Variants in B3GALT1 observed in about 807,000 individuals in gnomAD.
B3GALT1 encodes the protein beta-1,3-galactosyltransferase 1.
In B3GALT1, 10 loss-of-function variants were observed where a neutral mutation model predicts 23.2. The observed-to-expected ratio is 0.43, with a 90% CI of 0.27 to 0.73. B3GALT1 has a LOEUF of 0.73. Ranked by LOEUF, B3GALT1 falls within the 30% of genes least tolerant of loss-of-function variation. The pLI, the probability that B3GALT1 is intolerant of heterozygous loss-of-function variation, is 0.21. For missense variants in B3GALT1, 299 were observed against 405.4 expected, an observed-to-expected ratio of 0.74 and a Z score of 2.25; for synonymous variants, 156 against 141.5, an observed-to-expected ratio of 1.10 and a Z score of -0.73.
At chr2:167,760,787 C>T (rs536444745) in intron 3 of B3GALT1, among the ~76,000 whole-genome samples, 51 of 152,140 alleles carry the variant, frequency 3.4e-4, no homozygotes, top group Admixed American at 2.6e-3. Flanking sequence ...CTAAGTGGAA[C>T]TCTTATATGT....
intron 2 of B3GALT1, among the ~76,000 whole-genome samples, chr2:167,646,278 C>A (rs1685747495): frequency 6.6e-6 from 1 of 152,132 alleles, no homozygotes. Context: ...GAAGATAAGG[C>A]CTCCTTGATT....
rs113131902 is a variant in B3GALT1, at chr2:167,350,248, C to T, written c.-511+56914C>T. Among the ~76,000 whole-genome samples the T allele has an allele frequency of 5.3e-3, 803 of 152,234 alleles. 9 individuals are homozygous for T. The highest frequency in any genetic ancestry group is 0.019 in the African/African-American group (774 of 41,546). On this transcript the variant is annotated intron_variant, in intron 1 of 4. Transcript: ENST00000392690. ...AAATTTTGTAAATCTCCTTGAAGTACAGTTTGTTCATCATTTGAAGATGAA... is the reference window on the plus strand; with the variant it reads ...AAATTTTGTAAATCTCCTTGAAGTATAGTTTGTTCATCATTTGAAGATGAA...
chr2:167,813,219 A>G (rs1341727504), intron 3 of B3GALT1, among the ~76,000 whole-genome samples: 1 of 152,174 alleles, frequency 6.6e-6, no homozygotes, highest in Non-Finnish European at 1.5e-5. Flanking sequence ...ATGTGGCCCT[A>G]GCTATATCTC....
At chr2:167,417,255 A>G (rs571113392) in intron 1 of B3GALT1, among the ~76,000 whole-genome samples, 2 of 152,242 alleles carry the variant, frequency 1.3e-5, no homozygotes, top group Admixed American at 6.5e-5. Flanking sequence ...TATAGGATTA[A>G]TCGATTAATG....
chr2:167,353,430 G>A (rs922244842), intron 1 of B3GALT1, among the ~76,000 whole-genome samples: 1 of 151,808 alleles, frequency 6.6e-6, no homozygotes, highest in Non-Finnish European at 1.5e-5. Flanking sequence ...AACCTTAGTG[G>A]TATTTTTTTT....
At chr2:167,759,565 G>GA (rs1036269396) in intron 3 of B3GALT1, among the ~76,000 whole-genome samples, 3 of 152,184 alleles carry the variant, frequency 2.0e-5, no homozygotes, top group African/African-American at 7.2e-5. Flanking sequence ...GCCATGGAAG[G>GA]AAAAAAAGAG....
At chr2:167,561,736 C>G (rs1290858912) in intron 2 of B3GALT1, among the ~76,000 whole-genome samples, 1 of 152,202 alleles carries the variant, frequency 6.6e-6, no homozygotes, top group Non-Finnish European at 1.5e-5. Context: ...GACACATACA[C>G]TCTCCCAAGA....
Position 167,869,864 on chromosome 2 carries a change from G to A in B3GALT1, c.825G>A (p.Leu275=), listed in dbSNP as rs1192017640. Residue 275 remains leucine (L), a synonymous_variant, in exon 5 of 5, where the codon CTG becomes CTA. Transcript: ENST00000392690. This position sits in a 1 kb window ranked among gnomAD's most constrained non-coding sequence, Gnocchi z 6.4. ...ATGTGGGACTGTGTCTTCGAAAGCTGGGCATACATCCTTTCCAGAACAGTG... is the reference window on the plus strand; with the variant it reads ...ATGTGGGACTGTGTCTTCGAAAGCTAGGCATACATCCTTTCCAGAACAGTG... ...DVYVGLCLRK[L]GIHPFQNSGF... is the part of the protein sequence containing the mutation. The A allele has an allele frequency of 3.1e-6, 5 of 1,614,130 alleles. No individual in the cohort carries two copies. The highest frequency in any genetic ancestry group is 1.3e-5 in the African/African-American group (1 of 75,010).
At chr2:167,551,558 C>T (rs780291002) in intron 2 of B3GALT1, among the ~76,000 whole-genome samples, 2 of 151,984 alleles carry the variant, frequency 1.3e-5, no homozygotes, top group Non-Finnish European at 2.9e-5. Flanking sequence ...ACAGAAATGT[C>T]GTGCCAGGAA....
At chr2:167,440,914 C>G (rs1698883586) in intron 1 of B3GALT1, among the ~76,000 whole-genome samples, 1 of 151,810 alleles carries the variant, frequency 6.6e-6, no homozygotes, top group Admixed American at 6.6e-5. Flanking sequence ...TTATTAGATT[C>G]AGCTTCTTTT....
At chr2:167,826,696 C>T (rs370511454) in intron 4 of B3GALT1, among the ~76,000 whole-genome samples, 1 of 152,162 alleles carries the variant, frequency 6.6e-6, no homozygotes, top group East Asian at 1.9e-4. Context: ...GGTTCCACAT[C>T]TGAGGCCTCA....
At chr2:167,464,537 G>C (rs1031898718) in intron 1 of B3GALT1, among the ~76,000 whole-genome samples, 1 of 152,142 alleles carries the variant, frequency 6.6e-6, no homozygotes, top group Non-Finnish European at 1.5e-5. Context: ...CTGTTTAGTA[G>C]AATCAGAATT....
chr2:167,693,540 T>A (rs1418686392), intron 3 of B3GALT1, among the ~76,000 whole-genome samples: 1 of 152,098 alleles, frequency 6.6e-6, no homozygotes, highest in Admixed American at 6.6e-5. Context: ...TTGCAGAAAC[T>A]GTTATTTGGG....
At chr2:167,441,684 C>G (rs1186656024) in intron 1 of B3GALT1, among the ~76,000 whole-genome samples, 1 of 152,034 alleles carries the variant, frequency 6.6e-6, no homozygotes, top group Non-Finnish European at 1.5e-5. Flanking sequence ...TTCAGATGCT[C>G]TCTGGTTTTA....
intron 2 of B3GALT1, among the ~76,000 whole-genome samples, chr2:167,623,559 A>C (rs956103279): frequency 1.3e-5 from 2 of 152,046 alleles, no homozygotes; most frequent in African/African-American, 4.8e-5. Context: ...CAATGAGAAC[A>C]CATGGGCACA....
At chr2:167,362,301 T>G (rs1436932313) in intron 1 of B3GALT1, among the ~76,000 whole-genome samples, 2 of 152,166 alleles carry the variant, frequency 1.3e-5, no homozygotes, top group Non-Finnish European at 2.9e-5. Flanking sequence ...ATGTAATTAG[T>G]CCCATGAAAT....
At chr2:167,675,938 G>A (rs1686416897) in intron 3 of B3GALT1, among the ~76,000 whole-genome samples, 1 of 151,254 alleles carries the variant, frequency 6.6e-6, no homozygotes, top group Admixed American at 6.6e-5. Context: ...CCATTTTGGT[G>A]ACTACCAAAA....
intron 4 of B3GALT1, among the ~76,000 whole-genome samples, chr2:167,828,263 A>G (rs938181238): frequency 2.6e-5 from 4 of 152,174 alleles, no homozygotes; most frequent in Non-Finnish European, 5.9e-5. Flanking sequence ...CCTGTCACCA[A>G]TTGAGTCTAC....
At chr2:167,683,029 G>A (rs1401291572) in intron 3 of B3GALT1, among the ~76,000 whole-genome samples, 1 of 152,212 alleles carries the variant, frequency 6.6e-6, no homozygotes, top group East Asian at 1.9e-4. Flanking sequence ...AAATTCTAAT[G>A]TATTACTATT....
Sources: gnomAD v4.1 joint callset for allele counts (sites outside exome capture counted in the v4.1 genomes callset) on GRCh38, gnomAD v4.1.1 for gene constraint, Gnocchi (gnomAD v3.1) non-coding constraint, MANE v1.5 for transcripts, NCBI Gene and HGNC (gene_info 2026-07-23, HGNC 2026-07-21) for gene names.